Variants in ADAMTS10 observed in about 807,000 individuals in gnomAD.
ADAMTS10 encodes ADAM metallopeptidase with thrombospondin type 1 motif 10.
Under a neutral mutation model 135.9 loss-of-function variants are expected in ADAMTS10, and 48 were observed. The ratio of observed to expected loss-of-function variants is 0.35; its 90% CI spans 0.28 to 0.45. ADAMTS10 has a LOEUF of 0.45. Among genes scored for constraint, ADAMTS10 ranks in the 20% least tolerant of loss-of-function variants. The pLI is 1.00. For synonymous variants in ADAMTS10, 621 were observed against 647.5 expected (o/e 0.96, Z 0.62); for missense variants, 1,131 against 1,565.2 (o/e 0.72, Z 4.68).
chr19:8,603,211 AT>A lies in ADAMTS10; in HGVS notation c.592+516del, dbSNP rs372953196. 1.2e-3 allele frequency among the ~76,000 whole-genome samples: 179 copies of A among 152,304 alleles called. 2 individuals carry two copies. Among genetic ancestry groups the A allele is most frequent in the African/African-American group, 4.2e-3 (174 of 41,580 alleles). On this transcript the variant is annotated intron_variant, in intron 5 of 25. Coordinates refer to ENST00000597188, the MANE Select transcript of ADAMTS10 (RefSeq NM_030957.4). ...GCTAGGTGACTATAGCAGGGATAAG[AT>A]TATTCCATAGCTCCACTGGTTCGCC...
At position 8,585,594 on chromosome 19, in the gene ADAMTS10, G is replaced by C. The variant is rs1555736849; in HGVS notation, c.2727C>G (p.Val909=). The stretch of plus-strand genomic sequence containing the variant: ...CGGCAGAGACGCGGCGCTGGCACAC[G>C]ACCGAGCGGCTGCGCACGCCTGCAT... ...SCDAGVRSRS[V]VCQRRVSAAE... The change falls in exon 23 of 26, where the codon GTC becomes GTG. Residue 909 remains valine, a synonymous_variant. Coordinates refer to ENST00000597188, the MANE Select transcript of ADAMTS10 (RefSeq NM_030957.4). 5 of 1,610,234 alleles carry C rather than the reference G, an allele frequency of 3.1e-6. No homozygotes were observed. The highest frequency in any genetic ancestry group is 3.4e-6 in the Non-Finnish European group (4 of 1,178,852).
chr19:8,605,771 G>T lies in ADAMTS10; in HGVS notation c.-61C>A, dbSNP rs2042715765. 4 of 1,550,434 alleles carry T rather than the reference G, an allele frequency of 2.6e-6. No homozygotes were observed. In the Admixed American group the frequency reaches 7.7e-5, roughly 30 times the overall value. On this transcript the variant is annotated 5_prime_UTR_variant, in exon 3 of 26. Coordinates refer to ENST00000597188, the MANE Select transcript of ADAMTS10 (RefSeq NM_030957.4). The surrounding 1 kb of genome is among the most constrained non-coding windows in gnomAD (Gnocchi z 7.7). ...GGCTGCCGGCAGCCCCCACAGTGCC[G>T]CCTCCCCTGTTCACAGCCTTCGCAG...
chr19:8,592,940 G>C (rs1227206546), intron 12 of ADAMTS10, 70 bp from the exon 13 acceptor site: 4 of 1,425,666 alleles, frequency 2.8e-6, no homozygotes, highest in Non-Finnish European at 3.9e-6. Flanking sequence ...CCCGGCTTGG[G>C]AGGACCCAGA....
At chr19:8,589,046 C>CGATGGGA (rs2042479821) in intron 18 of ADAMTS10, among the ~76,000 whole-genome samples, 196 bp downstream of exon 18, 2 of 152,186 alleles carry the variant, frequency 1.3e-5, no homozygotes, top group Admixed American at 1.3e-4. Context: ...CCTGCCTCGG[C>CGATGGGA]CTCCAAAAGC....
chr19:8,592,837 T>C lies in ADAMTS10; in HGVS notation c.1513A>G (p.Ser505Gly). The C allele has an allele frequency of 6.2e-7, 1 of 1,612,912 alleles. No homozygotes were observed. The highest frequency in any genetic ancestry group is 8.5e-7 in the Non-Finnish European group (1 of 1,179,878). Residue 505 changes from serine to glycine, a missense_variant, in exon 13 of 26, where the codon AGC (serine) becomes GGC (glycine). Coordinates refer to ENST00000597188, the MANE Select transcript of ADAMTS10 (RefSeq NM_030957.4). The part of the protein sequence containing the change: ...VCSELWCLSK[S>G]NRCITNSIPA... Reference sequence around the variant, plus strand: ...ATGCTGTTGGTGATGCACCGGTTGCTCTTGCTCAGACACCACAGCTCGCTG... The same window carrying C: ...ATGCTGTTGGTGATGCACCGGTTGCCCTTGCTCAGACACCACAGCTCGCTG...
intron 18 of ADAMTS10, among the ~76,000 whole-genome samples, chr19:8,588,699 C>G (rs1161625382): frequency 6.6e-6 from 1 of 152,136 alleles, no homozygotes; most frequent in Non-Finnish European, 1.5e-5. Context: ...TCCTCTGGCT[C>G]ACAGAGGATG....
At chr19:8,592,691 C>A (rs2042555098) in intron 13 of ADAMTS10, 72 bp downstream of exon 13, 1 of 1,422,264 alleles carries the variant, frequency 7.0e-7, no homozygotes, top group Non-Finnish European at 9.6e-7. Flanking sequence ...GAAGGACAGG[C>A]GGGTAGGCGT....
At chr19:8,581,906 C>T (rs139622880) in intron 25 of ADAMTS10, among the ~76,000 whole-genome samples, 1,669 of 151,226 alleles carry the variant, frequency 0.011, 33 homozygotes, top group African/African-American at 0.039. Context: ...TGGCATGTGC[C>T]TGTAGTCCCA....
At chr19:8,582,238 G>A (rs782471430) in intron 25 of ADAMTS10, among the ~76,000 whole-genome samples, 1 of 152,146 alleles carries the variant, frequency 6.6e-6, no homozygotes, top group Non-Finnish European at 1.5e-5. Context: ...GGGAGGCTGA[G>A]TCGGGCGGAT....
chr19:8,581,129 A>AC lies in ADAMTS10; in HGVS notation c.3203-128dup, dbSNP rs1491136194. On this transcript the variant is annotated intron_variant, in intron 25 of 25. Coordinates refer to ENST00000597188, the MANE Select transcript of ADAMTS10 (RefSeq NM_030957.4). Reference sequence around the variant, plus strand: ...CCTTGGTTTCTTTCTTTTTAAATTTACTTTTTTTTTTTTTTTTTTTTTTTT... The same window carrying AC: ...CCTTGGTTTCTTTCTTTTTAAATTTACCTTTTTTTTTTTTTTTTTTTTTTTT... The AC allele has an allele frequency of 3.2e-3, 410 of 127,026 alleles. 20 individuals carry two copies. In the African/African-American group the frequency reaches 0.032, roughly 10 times the overall value. The allele number at this position is 127,026 out of a possible 1,614,324, so 7.9% of individuals were successfully genotyped here. A position where few individuals can be genotyped will look rare whatever the true frequency, so the allele number is the denominator to read the frequency against.
At chr19:8,595,939 G>T (rs1411358775) in intron 11 of ADAMTS10, 36 bp from the exon 12 acceptor site, 1 of 1,613,998 alleles carries the variant, frequency 6.2e-7, no homozygotes, top group African/African-American at 1.3e-5. Context: ...ATGCTAGGTG[G>T]CTGCAAATCA....
intron 1 of ADAMTS10, among the ~76,000 whole-genome samples, 192 bp from the exon 2 acceptor site, chr19:8,608,440 C>G (rs2042745556): frequency 6.6e-6 from 1 of 152,166 alleles, no homozygotes. Flanking sequence ...CTCTCCCTCT[C>G]TTCTTGCTTC....
At position 8,600,783 on chromosome 19, in the gene ADAMTS10, C is replaced by T. The variant is rs572802735; in HGVS notation, c.810+145G>A. On this transcript the variant is annotated intron_variant, in intron 6 of 25. Transcript: ENST00000597188. ...GAAGTGCTGGGATTACAGGTGTGAG[C>T]CACCGCGCCCGGCCTGCAACCTTCC... 952 of 992,474 alleles carry T rather than the reference C, an allele frequency of 9.6e-4. 3 individuals carry two copies. Among genetic ancestry groups the T allele is most frequent in the African/African-American group, 4.1e-3 (258 of 62,932 alleles). The allele number at this position is 992,474 out of a possible 1,614,324, so 61.5% of individuals were successfully genotyped here. A position where few individuals can be genotyped will look rare whatever the true frequency, so the allele number is the denominator to read the frequency against.
chr19:8,600,498 TTC>T (rs2042652134), intron 6 of ADAMTS10, among the ~76,000 whole-genome samples: 2 of 131,992 alleles, frequency 1.5e-5, no homozygotes, highest in Admixed American at 1.5e-4. Flanking sequence ...TTTCTTTCTT[TTC>T]TTTTTTTTTT....
chr19:8,597,320 G>T lies in ADAMTS10; in HGVS notation c.811-3C>A. 1 of 1,613,464 alleles carries T rather than the reference G, an allele frequency of 6.2e-7. No homozygotes were observed. Among genetic ancestry groups the T allele is most frequent in the Non-Finnish European group, 8.5e-7 (1 of 1,179,756 alleles). On this transcript the variant is annotated splice_polypyrimidine_tract_variant and splice_region_variant and intron_variant, in intron 6 of 25. Transcript: ENST00000597188. ...GAGTCCTGGAAAAGTTTGGCAACCT[G>T]ACCTCCAAGAAACAAGAGAGACCGA...
chr19:8,596,516 G>A lies in ADAMTS10; in HGVS notation c.1084+26C>T, dbSNP rs560608041. ...ACCCCAGCCCACTGCCTTCATAGGC[G>A]CCTGAAACCTACGGGGCTCGGGTAC... On this transcript the variant is annotated intron_variant, in intron 9 of 25. Transcript: ENST00000597188. The surrounding 1 kb of genome is among the most constrained non-coding windows in gnomAD (Gnocchi z 7.2). 149 of 1,613,804 alleles carry A rather than the reference G, an allele frequency of 9.2e-5. No homozygotes were observed. The highest frequency in any genetic ancestry group is 3.0e-4 in the South Asian group (27 of 91,080).
At chr19:8,589,401 A>ACCCCCCCCCCCCCCCCCAACC in intron 17 of ADAMTS10, 36 bp from the exon 18 acceptor site, 2 of 1,599,432 alleles carry the variant, frequency 1.3e-6, no homozygotes, top group Middle Eastern at 1.7e-4. Flanking sequence ...CGACCCCCTA[A>ACCCCCCCCCCCCCCCCCAACC]CCCACCCCCG....
At chr19:8,581,407 G>A (rs1316962615) in intron 25 of ADAMTS10, 1 of 156,800 alleles carries the variant, frequency 6.4e-6, no homozygotes, top group Non-Finnish European at 1.4e-5. Context: ...AATGAGAAAA[G>A]GGCCGGGTAC....
At chr19:8,607,801 G>A (rs188813090) in intron 2 of ADAMTS10, among the ~76,000 whole-genome samples, 2,699 of 147,510 alleles carry the variant, frequency 0.018, 27 homozygotes, top group Non-Finnish European at 0.03. Flanking sequence ...TTCTGTTGTT[G>A]TTCTCTCTCT....
Sources: allele counts gnomAD v4.1 joint callset (sites outside exome capture counted in the v4.1 genomes callset), GRCh38; gene constraint gnomAD v4.1.1; non-coding constraint Gnocchi (gnomAD v3.1); transcripts MANE v1.5; gene names NCBI Gene and HGNC (gene_info 2026-07-23, HGNC 2026-07-21).